Variants in TGIF1 observed in about 807,000 individuals in gnomAD.
TGIF1 encodes homeobox protein TGIF1.
TGIF1 carries 4 observed loss-of-function variants against 19.3 expected under a neutral mutation model. The ratio of observed to expected loss-of-function variants is 0.21; its 90% CI spans 0.10 to 0.47. The LOEUF is 0.47. Among genes scored for constraint, TGIF1 ranks in the 20% least tolerant of loss-of-function variants. The pLI is 0.98. For missense variants in TGIF1, 275 were observed against 341.4 expected, an observed-to-expected ratio of 0.81 and a Z score of 1.53; for synonymous variants, 122 against 129.3, an observed-to-expected ratio of 0.94 and a Z score of 0.38.
chr18:3,445,753 AGAGAAG>A (rs1568041613), upstream of TGIF1, among the ~76,000 whole-genome samples: 74 of 89,638 alleles, frequency 8.3e-4, no homozygotes, highest in African/African-American at 1.2e-3. Context: ...AAAAAAAAAA[AGAGAAG>A]AAAAGCAAAA....
chr18:3,449,768 C>G, upstream of TGIF1: 1 of 985,530 alleles, frequency 1.0e-6, no homozygotes, highest in Non-Finnish European at 1.2e-6. Flanking sequence ...CTGTCAAAAA[C>G]GAGACGGGGA....
At chr18:3,450,632 C>A (rs1237878769) in intron 1 of TGIF1, 127 bp downstream of exon 1, 2 of 1,527,402 alleles carry the variant, frequency 1.3e-6, no homozygotes, top group Non-Finnish European at 8.8e-7. Context: ...GAGTGGCGGC[C>A]GTGCTCTTTG....
chr18:3,423,010 A>G (rs1264195790), intron 2 of TGIF1, among the ~76,000 whole-genome samples: 1 of 151,796 alleles, frequency 6.6e-6, no homozygotes, highest in Non-Finnish European at 1.5e-5. Flanking sequence ...TTTATGCCAT[A>G]TTTTTACTAT....
upstream of TGIF1, among the ~76,000 whole-genome samples, chr18:3,445,727 A>AC (rs2082734082): frequency 9.1e-6 from 1 of 109,532 alleles, no homozygotes; most frequent in Admixed American, 9.8e-5. Flanking sequence ...CTGTCTCAAA[A>AC]AAAAAAAAAA....
At position 3,458,896 on chromosome 18, in the gene TGIF1, C is replaced by G. The variant is rs889782687; in HGVS notation, c.*956C>G. ...AGCATAGTATTTGCAGAGAAATTACCTTTTAAAACATCTCAAAAGTGTTTT... is the reference window on the plus strand; with the variant it reads ...AGCATAGTATTTGCAGAGAAATTACGTTTTAAAACATCTCAAAAGTGTTTT... On this transcript the variant is annotated 3_prime_UTR_variant, in exon 3 of 3. Coordinates refer to ENST00000343820, the MANE Select transcript of TGIF1 (RefSeq NM_003244.4). The G allele has an allele frequency of 1.3e-5, 2 of 152,160 alleles. No individual in the cohort carries two copies. The highest frequency in any genetic ancestry group is 2.4e-5 in the African/African-American group (1 of 41,428). The allele number at this position is 152,160 out of a possible 1,614,324, so 9.4% of individuals were successfully genotyped here. A position where few individuals can be genotyped will look rare whatever the true frequency, so the allele number is the denominator to read the frequency against.
intron 2 of TGIF1, among the ~76,000 whole-genome samples, chr18:3,441,601 C>T (rs2143238311): frequency 6.6e-6 from 1 of 152,354 alleles, no homozygotes; most frequent in Admixed American, 6.5e-5. Flanking sequence ...TTGCCACATA[C>T]ACACCCTGCT....
chr18:3,457,795 G>T lies in TGIF1; in HGVS notation c.674G>T (p.Ser225Ile). 3 of 1,613,972 alleles carry T rather than the reference G, an allele frequency of 1.9e-6. No homozygotes were observed. Among genetic ancestry groups the T allele is most frequent in the Non-Finnish European group, 1.7e-6 (2 of 1,180,026 alleles). ...YPEDTCKSGP[S>I]TNTQSGLFNT... is the part of the protein sequence containing the mutation. ...GAGGACACTTGTAAATCTGGACCAA[G>T]TACGAATACACAGAGTGGTCTTTTC... Residue 225 changes from serine (S) to isoleucine (I), a missense_variant, in exon 3 of 3, where the codon AGT becomes ATT. By Grantham distance (142) the Ser-to-Ile change is moderately radical. Coordinates refer to ENST00000343820, the MANE Select transcript of TGIF1 (RefSeq NM_003244.4). The surrounding 1 kb of genome is among the most constrained non-coding windows in gnomAD (Gnocchi z 4.9).
At chr18:3,437,423 C>G (rs2082628153) in intron 2 of TGIF1, among the ~76,000 whole-genome samples, 1 of 152,008 alleles carries the variant, frequency 6.6e-6, no homozygotes, top group African/African-American at 2.4e-5. Context: ...TCTTGAAGTC[C>G]AACAATACAT....
At chr18:3,425,536 G>A (rs553594117) in intron 2 of TGIF1, among the ~76,000 whole-genome samples, 2 of 152,238 alleles carry the variant, frequency 1.3e-5, no homozygotes, top group Admixed American at 6.5e-5. Context: ...CTTTTGGGAC[G>A]TCTTTTCAGG....
At chr18:3,440,229 T>C (rs978034871) in intron 2 of TGIF1, among the ~76,000 whole-genome samples, 2 of 151,912 alleles carry the variant, frequency 1.3e-5, no homozygotes, top group Non-Finnish European at 2.9e-5. Context: ...TTCATGCCTG[T>C]ATTCCTCATT....
rs557288530 is a variant in TGIF1 at position 3,459,668 on chromosome 18, G to C, written c.*1728G>C. On this transcript the variant is annotated 3_prime_UTR_variant, in exon 3 of 3. Coordinates refer to ENST00000343820, the MANE Select transcript of TGIF1 (RefSeq NM_003244.4). The stretch of plus-strand genomic sequence containing the variant: ...GAGGGAAATGAGCAAGTCCTAAAAG[G>C]TTTGCCCTGTTACGGTGTTTCATCA... 2.8e-4 allele frequency: 42 copies of C among 152,300 alleles called. No individual in the cohort carries two copies. The highest frequency in any genetic ancestry group is 9.1e-4 in the African/African-American group (38 of 41,562). The allele number at this position is 152,300 out of a possible 1,614,324, so 9.4% of individuals were successfully genotyped here. A position where few individuals can be genotyped will look rare whatever the true frequency, so the allele number is the denominator to read the frequency against.
chr18:3,428,538 C>T (rs989470449), intron 2 of TGIF1, among the ~76,000 whole-genome samples: 7 of 151,570 alleles, frequency 4.6e-5, no homozygotes, highest in Admixed American at 1.3e-4. Context: ...GAGATCGACA[C>T]CATCCTGACC....
At position 3,450,196 on chromosome 18, in the gene TGIF1, G is replaced by C. The variant is rs367749784; in HGVS notation, c.-294G>C. The C allele has an allele frequency of 3.7e-5, 50 of 1,360,894 alleles. No homozygotes were observed. Among genetic ancestry groups the C allele is most frequent in the Non-Finnish European group, 4.4e-5 (46 of 1,055,912 alleles). The allele number at this position is 1,360,894 out of a possible 1,614,324, so 84.3% of individuals were successfully genotyped here. On this transcript the variant is annotated 5_prime_UTR_variant, in exon 1 of 3. Coordinates refer to ENST00000343820, the MANE Select transcript of TGIF1 (RefSeq NM_003244.4). ...CACTCTGACAGCGCCGAGGTGCGCC[G>C]AGCAGGAGCAGGGAACAAAGGAGCG... is the stretch of plus-strand genomic sequence containing the variant.
chr18:3,450,468 G>C lies in TGIF1; in HGVS notation c.-22G>C, dbSNP rs1410255700. 2 of 1,556,912 alleles carry C rather than the reference G, an allele frequency of 1.3e-6. No homozygotes were observed. Among genetic ancestry groups the C allele is most frequent in the South Asian group, 2.4e-5 (2 of 84,366 alleles). On this transcript the variant is annotated 5_prime_UTR_variant, in exon 1 of 3. Coordinates refer to ENST00000343820, the MANE Select transcript of TGIF1 (RefSeq NM_003244.4). ...CCCCTCCAGACCCCCGCCTTGCCTC[G>C]CGCTGGGAGGGGAGATCCAGAATGA...
At chr18:3,423,120 GCCATA>G (rs2082427289) in intron 2 of TGIF1, among the ~76,000 whole-genome samples, 1 of 152,164 alleles carries the variant, frequency 6.6e-6, no homozygotes, top group Non-Finnish European at 1.5e-5. Flanking sequence ...GAAGCAATAG[GCCATA>G]CCATAAGCCT....
chr18:3,448,081 G>A (rs988628452), upstream of TGIF1: 9 of 976,736 alleles, frequency 9.2e-6, no homozygotes, highest in Non-Finnish European at 9.7e-6. Context: ...GGCGGGGGGG[G>A]AGGTAGGGTT....
chr18:3,452,174 G>T (rs761484867), intron 1 of TGIF1: 1 of 1,613,620 alleles, frequency 6.2e-7, no homozygotes, highest in Non-Finnish European at 8.5e-7. Context: ...CAGCGCCGTG[G>T]TCCTCCCTGG....
At chr18:3,433,800 A>G (rs187161875) in intron 2 of TGIF1, among the ~76,000 whole-genome samples, 331 of 152,346 alleles carry the variant, frequency 2.2e-3, no homozygotes, top group Non-Finnish European at 3.6e-3. Context: ...CTGAAAATGG[A>G]TAGTCATGAT....
intron 2 of TGIF1, among the ~76,000 whole-genome samples, chr18:3,424,417 A>G (rs906186991): frequency 2.0e-5 from 3 of 152,210 alleles, no homozygotes; most frequent in Admixed American, 1.3e-4. Flanking sequence ...AGGATCTGAA[A>G]CAGGAAATAG....
Sources: allele counts gnomAD v4.1 joint callset (sites outside exome capture counted in the v4.1 genomes callset), GRCh38; gene constraint gnomAD v4.1.1; non-coding constraint Gnocchi (gnomAD v3.1); transcripts MANE v1.5; gene names NCBI Gene and HGNC (gene_info 2026-07-23, HGNC 2026-07-21).